Variants in FRMD8 observed in about 807,000 individuals in gnomAD.
FRMD8 encodes FERM domain-containing protein 8.
In FRMD8, 37 loss-of-function variants were observed where a neutral mutation model predicts 54.2. The observed-to-expected ratio is 0.68, with a 90% CI of 0.53 to 0.90. The LOEUF (loss-of-function observed/expected upper bound fraction) is 0.90. Ranked by LOEUF, FRMD8 falls within the 40% of genes least tolerant of loss-of-function variation. The probability of loss-of-function intolerance (pLI) is 0.00; values close to 1 mark genes in which losing one functional copy is unlikely to be tolerated. For synonymous variants in FRMD8, 246 were observed against 286.9 expected, an observed-to-expected ratio of 0.86 and a Z score of 1.44; for missense variants, 585 against 653.7, an observed-to-expected ratio of 0.89 and a Z score of 1.15.
upstream of FRMD8, among the ~76,000 whole-genome samples, chr11:65,385,872 G>A (rs1001223576): frequency 6.6e-6 from 1 of 151,176 alleles, no homozygotes; most frequent in African/African-American, 2.4e-5. Context: ...TCGGCTCACT[G>A]CAGGCTCCGC....
At chr11:65,382,295 C>A (rs951686420), upstream of FRMD8, 3 of 353,462 alleles carry the variant, frequency 8.5e-6, no homozygotes, top group Non-Finnish European at 1.1e-5. This position sits in a 1 kb window ranked among gnomAD's most constrained non-coding sequence, Gnocchi z 4.4. Context: ...CCTTAGTCAG[C>A]AAGAGGCAAG....
Position 65,410,235 on chromosome 11 carries a change from C to T in FRMD8, c.1277-1007C>T, listed in dbSNP as rs568516627. ...AAAATTAGCCAGGCACAGTGGCCCA[C>T]GCCTGTAATCCCAGCACTTTTGGAG... On this transcript the variant is annotated intron_variant, in intron 10 of 10. Transcript: ENST00000317568. Among the ~76,000 whole-genome samples the T allele has an allele frequency of 3.9e-5, 6 of 152,302 alleles. No homozygotes were observed. In the East Asian group the frequency reaches 9.7e-4, roughly 25 times the overall value.
chr11:65,389,262 G>A, intron 2 of FRMD8, 99 bp from the exon 3 acceptor site: 1 of 1,185,040 alleles, frequency 8.4e-7, no homozygotes, highest in Non-Finnish European at 1.2e-6. Flanking sequence ...GTGTAGGGTG[G>A]GGGCTCCAGC....
chr11:65,381,678 C>T, upstream of FRMD8: 1 of 496,788 alleles, frequency 2.0e-6, no homozygotes, highest in African/African-American at 2.0e-5. Flanking sequence ...AGCAATCCTC[C>T]TAAGTAGCTG....
intron 7 of FRMD8, 43 bp downstream of exon 7, chr11:65,397,063 T>C (rs1181781653): frequency 1.7e-6 from 2 of 1,167,494 alleles, no homozygotes; most frequent in Non-Finnish European, 2.3e-6. Context: ...CTCCGCAGGC[T>C]GTTCTTGGGC....
chr11:65,369,584 G>T, the FRMD8 span, among the ~76,000 whole-genome samples: 1 of 150,458 alleles, frequency 6.6e-6, no homozygotes, highest in African/African-American at 2.5e-5. Flanking sequence ...CAAAAAATTA[G>T]CCAGGCTTGG....
intron 9 of FRMD8, among the ~76,000 whole-genome samples, chr11:65,403,706 C>A (rs996804008): frequency 6.6e-6 from 1 of 152,206 alleles, no homozygotes; most frequent in Non-Finnish European, 1.5e-5. Context: ...TTCAGAGATG[C>A]GCTTCATCAG....
chr11:65,377,490 T>TGGGAAAGGGTGG, the FRMD8 span: 2 of 888,414 alleles, frequency 2.3e-6, no homozygotes, highest in Non-Finnish European at 2.7e-6. Context: ...GAAACCACCC[T>TGGGAAAGGGTGG]TTCCCAGGGT....
intron 2 of FRMD8, among the ~76,000 whole-genome samples, chr11:65,387,578 G>A (rs375463176): frequency 2.0e-5 from 3 of 151,540 alleles, no homozygotes; most frequent in Admixed American, 6.6e-5. Flanking sequence ...TCCCTCTGTC[G>A]CCCAGGCTGG....
chr11:65,394,069 C>A lies in FRMD8; in HGVS notation c.384C>A (p.Asn128Lys). Residue 128 changes from asparagine (N) to lysine (K), a missense_variant, in exon 5 of 11, where the codon AAC (asparagine) becomes AAA (lysine). Transcript: ENST00000317568. Reference sequence around the variant, plus strand: ...AGCCTTTCCTGCAGTTCCGAAGGAACGTGTTCTTCCCAAAGCGGCGGGAGC... The same window carrying A: ...AGCCTTTCCTGCAGTTCCGAAGGAAAGTGTTCTTCCCAAAGCGGCGGGAGC... ...MDEPFLQFRR[N>K]VFFPKRRELQ... 2 of 1,614,174 alleles carry A rather than the reference C, an allele frequency of 1.2e-6. No individual in the cohort carries two copies. Among genetic ancestry groups the A allele is most frequent in the East Asian group, 4.5e-5 (2 of 44,878 alleles).
intron 6 of FRMD8, among the ~76,000 whole-genome samples, chr11:65,395,994 G>T (rs1855945643): frequency 6.6e-6 from 1 of 152,240 alleles, no homozygotes; most frequent in Non-Finnish European, 1.5e-5. Context: ...TGGCTGCCCT[G>T]TGTGTCTGTG....
At chr11:65,384,963 G>A (rs571880935), upstream of FRMD8, among the ~76,000 whole-genome samples, 5 of 152,158 alleles carry the variant, frequency 3.3e-5, no homozygotes, top group South Asian at 4.1e-4. Context: ...CTCCTGCCTC[G>A]GCCTCCCAAA....
At chr11:65,405,843 A>G (rs1056852149) in intron 10 of FRMD8, among the ~76,000 whole-genome samples, 3 of 151,698 alleles carry the variant, frequency 2.0e-5, no homozygotes, top group South Asian at 2.1e-4. Flanking sequence ...TCTACAAAAT[A>G]TACTTAAACT....
chr11:65,409,992 T>G (rs1054097420), intron 10 of FRMD8, among the ~76,000 whole-genome samples: 2 of 151,662 alleles, frequency 1.3e-5, no homozygotes, highest in African/African-American at 2.4e-5. Context: ...GAGGATCACC[T>G]AGGCTTAGGA....
Position 65,404,850 on chromosome 11 carries a change from C to T in FRMD8, c.1072-14C>T. 1 of 1,605,450 alleles carries T rather than the reference C, an allele frequency of 6.2e-7. No homozygotes were observed. Among genetic ancestry groups the T allele is most frequent in the Non-Finnish European group, 8.5e-7 (1 of 1,174,234 alleles). ...GGGCCCTGGCCAGGCCTCACACTGC[C>T]CCCTCCTCCCCAGGCCGAACTGATG... On this transcript the variant is annotated splice_polypyrimidine_tract_variant and intron_variant, in intron 9 of 10. Transcript: ENST00000317568. The surrounding 1 kb of genome is among the most constrained non-coding windows in gnomAD (Gnocchi z 4.7).
intron 3 of FRMD8, among the ~76,000 whole-genome samples, chr11:65,393,165 G>T (rs1253325064): frequency 1.3e-5 from 2 of 152,190 alleles, no homozygotes; most frequent in Non-Finnish European, 1.5e-5. Flanking sequence ...CTGCCAGTGG[G>T]GGGGCAAGGC....
intron 10 of FRMD8, among the ~76,000 whole-genome samples, chr11:65,405,460 A>G (rs565661996): frequency 2.0e-4 from 31 of 152,226 alleles, no homozygotes; most frequent in Admixed American, 6.5e-4. Context: ...TGTCTCTACT[A>G]AAAATACAAA....
chr11:65,377,169 C>T, the FRMD8 span: 1 of 1,490,448 alleles, frequency 6.7e-7, no homozygotes, highest in African/African-American at 1.4e-5. Context: ...GGCAGGGGGC[C>T]ACATCTTCCA....
chr11:65,380,293 C>T, the FRMD8 span: 9 of 1,420,936 alleles, frequency 6.3e-6, no homozygotes, highest in Non-Finnish European at 8.8e-6. Flanking sequence ...CCATCTCAGA[C>T]ACATGCAGCC....
Sources: gnomAD v4.1 joint callset for allele counts (sites outside exome capture counted in the v4.1 genomes callset) on GRCh38, gnomAD v4.1.1 for gene constraint, Gnocchi (gnomAD v3.1) non-coding constraint, MANE v1.5 for transcripts, NCBI Gene and HGNC (gene_info 2026-07-23, HGNC 2026-07-21) for gene names.